KCNC4: variants seen among roughly 807,000 people sequenced by gnomAD.
KCNC4 encodes the protein voltage-gated potassium channel KCNC4.
Under a neutral mutation model 42.8 loss-of-function variants are expected in KCNC4, and 23 were observed. The ratio of observed to expected loss-of-function variants is 0.54; its 90% CI spans 0.39 to 0.76. The LOEUF (loss-of-function observed/expected upper bound fraction) is 0.76. Ranked by LOEUF, KCNC4 falls within the 30% of genes least tolerant of loss-of-function variation. KCNC4 has a pLI of 0.00. For synonymous variants in KCNC4, 422 were observed against 393.5 expected, an observed-to-expected ratio of 1.07 and a Z score of -0.86; for missense variants, 751 against 898.2, an observed-to-expected ratio of 0.84 and a Z score of 2.10.
chr1:110,263,294 T>G (rs114148908), intron 1 of KCNC4, among the ~76,000 whole-genome samples: 140 of 152,132 alleles, frequency 9.2e-4, no homozygotes, highest in African/African-American at 3.3e-3. Flanking sequence ...AGTGACATCT[T>G]GGGAGATTTT....
At chr1:110,276,978 C>A (rs1355895775) in intron 1 of KCNC4, among the ~76,000 whole-genome samples, 2 of 152,224 alleles carry the variant, frequency 1.3e-5, no homozygotes, top group East Asian at 3.8e-4. Context: ...ACACATTTTT[C>A]ATTATCAGAG....
exon 4 of KCNC4, chr1:110,246,305 C>T (rs1161234192): frequency 6.6e-6 from 1 of 152,264 alleles, no homozygotes; most frequent in Admixed American, 6.5e-5. Flanking sequence ...ATTTAGGAAT[C>T]ACATCTATCA....
chr1:110,230,749 T>C (rs918363611), intron 3 of KCNC4, among the ~76,000 whole-genome samples: 1 of 152,162 alleles, frequency 6.6e-6, no homozygotes, highest in African/African-American at 2.4e-5. Context: ...AGAACCCAGA[T>C]AGCAGGAGGG....
chr1:110,241,832 A>C (rs1659040369), exon 4 of KCNC4: 1 of 151,980 alleles, frequency 6.6e-6, no homozygotes, highest in Non-Finnish European at 1.5e-5. Flanking sequence ...CCATTATAGC[A>C]CTTACTGCAG....
downstream of KCNC4, among the ~76,000 whole-genome samples, chr1:110,251,141 G>A (rs1286622282): frequency 6.6e-6 from 1 of 152,138 alleles, no homozygotes; most frequent in East Asian, 1.9e-4. Flanking sequence ...CTCCATGTGA[G>A]GGGCCCCAAC....
intron 1 of KCNC4, among the ~76,000 whole-genome samples, chr1:110,266,826 C>G (rs1458312590): frequency 1.3e-5 from 2 of 152,188 alleles, no homozygotes; most frequent in African/African-American, 4.8e-5. Flanking sequence ...AGTCTGTGTT[C>G]CCCGGACCCG....
downstream of KCNC4, chr1:110,236,632 G>A (rs975050824): frequency 6.6e-6 from 1 of 152,304 alleles, no homozygotes. Context: ...ATTAGCAGCA[G>A]GCAACACCCA....
chr1:110,257,388 T>C (rs1411643978), intron 1 of KCNC4, among the ~76,000 whole-genome samples: 1 of 151,696 alleles, frequency 6.6e-6, no homozygotes, highest in Non-Finnish European at 1.5e-5. Flanking sequence ...CTAAAATAAA[T>C]TGTGTTTGAT....
chr1:110,214,775 A>G (rs1657683605), intron 1 of KCNC4, among the ~76,000 whole-genome samples: 1 of 152,204 alleles, frequency 6.6e-6, no homozygotes. Context: ...TAGCCTGAGA[A>G]ATGTCCTTCT....
chr1:110,222,753 G>A lies in KCNC4; in HGVS notation c.679-211G>A, dbSNP rs1019307651. The A allele has an allele frequency of 1.6e-5, 9 of 561,110 alleles. No individual in the cohort carries two copies. The African/African-American group carries it at 1.7e-4, about 11-fold the overall frequency. 34.8% of individuals were successfully genotyped at this position (561,110 alleles called of 1,614,324 possible). ...GCCAAGAGCAGCTTCTATCTTTTGT[G>A]ACAAAGATTGGGAAACATTGCCCGA... On this transcript the variant is annotated intron_variant, in intron 1 of 3. Coordinates refer to ENST00000438661, the MANE Select transcript of KCNC4 (RefSeq NM_001039574.3).
downstream of KCNC4, among the ~76,000 whole-genome samples, chr1:110,253,959 A>G (rs563982890): frequency 7.2e-5 from 11 of 152,214 alleles, no homozygotes; most frequent in South Asian, 1.7e-3. Flanking sequence ...AGAGCCACCA[A>G]TAGAGGCAGG....
chr1:110,250,763 C>A (rs1029083175), downstream of KCNC4, among the ~76,000 whole-genome samples: 1 of 152,058 alleles, frequency 6.6e-6, no homozygotes, highest in South Asian at 2.1e-4. Flanking sequence ...AAAGGAAGAC[C>A]CCCTACACAG....
chr1:110,232,837 C>G, intron 3 of KCNC4, 74 bp from the exon 4 acceptor site: 1 of 1,556,032 alleles, frequency 6.4e-7, no homozygotes, highest in Non-Finnish European at 8.7e-7. Context: ...CTCCCTGTCC[C>G]CCCAACCCCA....
At chr1:110,267,871 A>G (rs1408186957) in intron 1 of KCNC4, among the ~76,000 whole-genome samples, 1 of 152,204 alleles carries the variant, frequency 6.6e-6, no homozygotes, top group Non-Finnish European at 1.5e-5. Context: ...GGCCAGAAAA[A>G]CTGCCCCTTC....
chr1:110,249,328 C>T (rs111823898), downstream of KCNC4, among the ~76,000 whole-genome samples: 429 of 152,282 alleles, frequency 2.8e-3, 4 homozygotes, highest in African/African-American at 9.9e-3. Flanking sequence ...CCCTCCTGCC[C>T]ATCTCCACAA....
chr1:110,281,664 C>T (rs767938095), intron 1 of KCNC4, among the ~76,000 whole-genome samples: 2 of 151,996 alleles, frequency 1.3e-5, no homozygotes, highest in Non-Finnish European at 2.9e-5. Context: ...GAGCCAGTTG[C>T]TTCCCTTGTC....
chr1:110,229,879 GC>G (rs142199307), intron 3 of KCNC4, among the ~76,000 whole-genome samples: 1,655 of 152,328 alleles, frequency 0.011, 28 homozygotes, highest in African/African-American at 0.037. Flanking sequence ...GCAGAGCCGT[GC>G]GCCTGGCAAT....
chr1:110,268,600 T>G (rs1394228107), intron 1 of KCNC4, among the ~76,000 whole-genome samples: 7 of 104,188 alleles, frequency 6.7e-5, no homozygotes, highest in South Asian at 3.5e-4. Flanking sequence ...AGCAAGAGAC[T>G]GTCTCAAAAG....
intron 1 of KCNC4, among the ~76,000 whole-genome samples, chr1:110,270,609 G>A (rs1349100517): frequency 6.6e-6 from 1 of 152,186 alleles, no homozygotes; most frequent in East Asian, 1.9e-4. Flanking sequence ...CCAGGAGGCT[G>A]AGCGAATGAC....
Sources: gnomAD v4.1 joint callset for allele counts (sites outside exome capture counted in the v4.1 genomes callset) on GRCh38, gnomAD v4.1.1 for gene constraint, MANE v1.5 for transcripts, NCBI Gene and HGNC (gene_info 2026-07-23, HGNC 2026-07-21) for gene names.